The following DAPK1 variants were observed in gnomAD, a reference collection of about 807,000 sequenced individuals.
DAPK1 encodes the protein death associated protein kinase 1, also known as death-associated protein kinase 1.
DAPK1 carries 56 observed loss-of-function variants against 144.9 expected under a neutral mutation model. The ratio of observed to expected loss-of-function variants is 0.39; its 90% confidence interval spans 0.31 to 0.48. DAPK1 has a LOEUF of 0.48. Ranked by LOEUF, DAPK1 falls within the 20% of genes least tolerant of loss-of-function variation. DAPK1 has a pLI of 0.95. For synonymous variants in DAPK1, 690 were observed against 749.0 expected (o/e 0.92, Z 1.29); for missense variants, 1,454 against 1,875.4 (o/e 0.78, Z 4.15).
intron 3 of DAPK1, chr9:87,633,494 G>T: frequency 2.1e-6 from 1 of 465,986 alleles, no homozygotes; most frequent in Non-Finnish European, 2.8e-6. Flanking sequence ...GACATGGACT[G>T]CTTCATAACA....
chr9:87,623,204 G>C (rs1006000717), intron 3 of DAPK1, among the ~76,000 whole-genome samples: 3 of 152,152 alleles, frequency 2.0e-5, no homozygotes, highest in Non-Finnish European at 2.9e-5. Flanking sequence ...ATAAATCATG[G>C]TGCATTTTCT....
At chr9:87,587,011 G>C (rs1388294528) in intron 2 of DAPK1, among the ~76,000 whole-genome samples, 1 of 152,224 alleles carries the variant, frequency 6.6e-6, no homozygotes, top group Non-Finnish European at 1.5e-5. Context: ...GTAGAACACT[G>C]TTCTGTGTTT....
At chr9:87,656,764 A>G (rs1200475713) in intron 17 of DAPK1, among the ~76,000 whole-genome samples, 1 of 152,138 alleles carries the variant, frequency 6.6e-6, no homozygotes, top group Admixed American at 6.5e-5. Flanking sequence ...TTCCCAATCT[A>G]CTGTTAGGTG....
chr9:87,632,372 G>A, intron 3 of DAPK1: 1 of 984,452 alleles, frequency 1.0e-6, no homozygotes, highest in Non-Finnish European at 1.2e-6. Flanking sequence ...AGGAGGATGA[G>A]TGCATATGTA....
chr9:87,501,730 A>C (rs995830830), intron 2 of DAPK1, among the ~76,000 whole-genome samples: 2 of 152,200 alleles, frequency 1.3e-5, no homozygotes, highest in Non-Finnish European at 2.9e-5. Flanking sequence ...AAAATTGAAA[A>C]TGTTCGTATT....
At chr9:87,685,174 A>T (rs1887792) in intron 20 of DAPK1, among the ~76,000 whole-genome samples, 4 of 152,250 alleles carry the variant, frequency 2.6e-5, no homozygotes, top group African/African-American at 7.2e-5. Flanking sequence ...CTATCTGCCA[A>T]CTTTCCTACA....
chr9:87,676,374 C>T (rs946898183), intron 19 of DAPK1, among the ~76,000 whole-genome samples: 7 of 152,202 alleles, frequency 4.6e-5, no homozygotes, highest in Non-Finnish European at 8.8e-5. Flanking sequence ...AGCTGCTTTC[C>T]CAGGGAGAGG....
At chr9:87,603,479 A>G (rs1159374207) in intron 2 of DAPK1, among the ~76,000 whole-genome samples, 2 of 152,222 alleles carry the variant, frequency 1.3e-5, no homozygotes, top group African/African-American at 4.8e-5. Flanking sequence ...TGACACGGCT[A>G]TAAAGATAAT....
At chr9:87,625,153 C>CTT (rs200132375) in intron 3 of DAPK1, among the ~76,000 whole-genome samples, 1 of 151,890 alleles carries the variant, frequency 6.6e-6, no homozygotes, top group Non-Finnish European at 1.5e-5. Flanking sequence ...CTCACAGAAA[C>CTT]AGTTTGTTAA....
At chr9:87,615,176 C>T (rs1829053048) in intron 3 of DAPK1, among the ~76,000 whole-genome samples, 1 of 152,212 alleles carries the variant, frequency 6.6e-6, no homozygotes, top group African/African-American at 2.4e-5. Context: ...CAAGAACAAC[C>T]TCATACTGCT....
At position 87,668,601 on chromosome 9, in the gene DAPK1, GA is replaced by G; in HGVS notation, c.1931del (p.Lys644ArgfsTer15). On this transcript the variant is annotated frameshift_variant, in exon 19 of 26. Transcript: ENST00000408954. LOFTEE classifies it high-confidence loss of function. The stretch of plus-strand genomic sequence containing the variant: ...TAATGCATTTTTCTCCAACAGGACG[GA>G]AAGACGGCAGAAGATCTTGCTAGAT... ...GASVEALTTDGKTAEDLARSE... is the reference protein window; with the variant it reads ...GASVEALTTDXKTAEDLARSE... 7.1e-7 allele frequency: 1 copy of G among 1,405,578 alleles called. No homozygotes were observed. The highest frequency in any genetic ancestry group is 1.0e-6 in the Non-Finnish European group (1 of 989,314). 87.1% of individuals were successfully genotyped at this position (1,405,578 alleles called of 1,614,324 possible). A position where few individuals can be genotyped will look rare whatever the true frequency, so the allele number is the denominator to read the frequency against.
chr9:87,503,054 A>G (rs1482124281), intron 2 of DAPK1, among the ~76,000 whole-genome samples: 1 of 152,146 alleles, frequency 6.6e-6, no homozygotes, highest in African/African-American at 2.4e-5. Flanking sequence ...GCAGTGTGGA[A>G]AAACCTGAGA....
rs1216209915 is a variant in DAPK1, at chr9:87,706,224, G to A, written c.3153G>A (p.Val1051=). Residue 1051 remains valine, a synonymous_variant, in exon 26 of 26, where the codon GTG becomes GTA. Coordinates refer to ENST00000408954, the MANE Select transcript of DAPK1 (RefSeq NM_004938.4). This position sits in a 1 kb window ranked among gnomAD's most constrained non-coding sequence, Gnocchi z 9.0. Reference sequence around the variant, plus strand: ...ACGTCCTGGGGAAGTTGCTGTCCGTGGAGACCCCACGGGCGCTGCACCACT... The same window carrying A: ...ACGTCCTGGGGAAGTTGCTGTCCGTAGAGACCCCACGGGCGCTGCACCACT... ...CTNVLGKLLS[V]ETPRALHHYR... is the part of the protein sequence containing the mutation. The A allele has an allele frequency of 6.2e-7, 1 of 1,613,608 alleles. No individual in the cohort carries two copies. The highest frequency in any genetic ancestry group is 1.1e-5 in the South Asian group (1 of 91,068).
chr9:87,579,468 A>C (rs1314166771), intron 2 of DAPK1, among the ~76,000 whole-genome samples: 2 of 152,184 alleles, frequency 1.3e-5, no homozygotes, highest in Non-Finnish European at 2.9e-5. Context: ...CTTCCAGAAG[A>C]AGCTCTGTGC....
chr9:87,661,389 C>T (rs1034648138), intron 18 of DAPK1, among the ~76,000 whole-genome samples: 5 of 152,134 alleles, frequency 3.3e-5, no homozygotes, highest in Non-Finnish European at 5.9e-5. Context: ...AGTTGCTGTG[C>T]GTAATTTCTC....
chr9:87,660,696 C>T (rs1489899178), intron 18 of DAPK1, among the ~76,000 whole-genome samples: 1 of 152,140 alleles, frequency 6.6e-6, no homozygotes, highest in African/African-American at 2.4e-5. Flanking sequence ...CCTGTGTACA[C>T]ATCATTTAGT....
chr9:87,608,758 A>C (rs925090657), intron 3 of DAPK1, among the ~76,000 whole-genome samples: 4 of 152,230 alleles, frequency 2.6e-5, no homozygotes, highest in African/African-American at 9.6e-5. Context: ...TTTTAGATGG[A>C]GTGAGCGGGA....
chr9:87,552,598 T>A, intron 2 of DAPK1, among the ~76,000 whole-genome samples: 1 of 150,420 alleles, frequency 6.6e-6, no homozygotes. Context: ...AAAATGTACC[T>A]CTTTTTTTTT....
At chr9:87,655,357 A>T (rs949386175) in intron 17 of DAPK1, among the ~76,000 whole-genome samples, 1 of 146,726 alleles carries the variant, frequency 6.8e-6, no homozygotes, top group African/African-American at 2.5e-5. Context: ...TTGTTTTGCT[A>T]TTTTTTTTTT....
Sources: gnomAD v4.1 joint callset for allele counts (sites outside exome capture counted in the v4.1 genomes callset) on GRCh38, gnomAD v4.1.1 for gene constraint, Gnocchi (gnomAD v3.1) non-coding constraint, MANE v1.5 for transcripts, NCBI Gene and HGNC (gene_info 2026-07-23, HGNC 2026-07-21) for gene names.